Variants in ANKRD11 observed in about 807,000 individuals in gnomAD.
ANKRD11 encodes the protein ankyrin repeat domain-containing protein 11.
In ANKRD11, 17 loss-of-function variants were observed where a neutral mutation model predicts 195.7. The ratio of observed to expected loss-of-function variants is 0.09; its 90% confidence interval spans 0.06 to 0.13. The LOEUF is 0.13. Among genes scored for constraint, ANKRD11 ranks in the 10% least tolerant of loss-of-function variants. The pLI, the probability that ANKRD11 is intolerant of heterozygous loss-of-function variation, is 1.00. For synonymous variants in ANKRD11, 1,953 were observed against 1,528.1 expected, an observed-to-expected ratio of 1.28 and a Z score of -6.49; for missense variants, 3,735 against 3,566.1, an observed-to-expected ratio of 1.05 and a Z score of -1.21.
At chr16:89,402,927 A>G (rs1303709471) in intron 2 of ANKRD11, among the ~76,000 whole-genome samples, 1 of 152,114 alleles carries the variant, frequency 6.6e-6, no homozygotes, top group East Asian at 1.9e-4. Context: ...ACTCCCAACA[A>G]AGCAGGCAAC....
chr16:89,352,397 A>C (rs1409012765), intron 2 of ANKRD11, among the ~76,000 whole-genome samples: 2 of 151,054 alleles, frequency 1.3e-5, no homozygotes, highest in Admixed American at 1.3e-4. Flanking sequence ...ACCAAGCAGA[A>C]GGCCACAGTG....
At chr16:89,268,804 G>T in intron 12 of ANKRD11, 141 bp from the exon 13 acceptor site, 1 of 946,982 alleles carries the variant, frequency 1.1e-6, no homozygotes, top group Non-Finnish European at 1.6e-6. Context: ...AGCTGTACCC[G>T]CTCCTGGCAT....
intron 2 of ANKRD11, among the ~76,000 whole-genome samples, chr16:89,375,598 C>T (rs3102336): frequency 0.51 from 76,732 of 151,482 alleles, 20,358 homozygotes; most frequent in Middle Eastern, 0.69. Flanking sequence ...TGATTACAGG[C>T]GCCCGCCACC....
At position 89,305,147 on chromosome 16, in the gene ANKRD11, C is replaced by G. The variant is rs986526266; in HGVS notation, c.226+59G>C. 14 of 1,594,438 alleles carry G rather than the reference C, an allele frequency of 8.8e-6. No homozygotes were observed. In the South Asian group the frequency reaches 1.6e-4, roughly 18 times the overall value. On this transcript the variant is annotated intron_variant, in intron 4 of 12. Transcript: ENST00000301030. ...GGTGCGGGGGCCAGGGACGCCCTGC[C>G]TGGGCTGCTCCGGGCTGCCTGTGGA...
At chr16:89,377,781 C>T (rs1260740726) in intron 2 of ANKRD11, among the ~76,000 whole-genome samples, 1 of 152,098 alleles carries the variant, frequency 6.6e-6, no homozygotes, top group African/African-American at 2.4e-5. Flanking sequence ...CATACAGGAA[C>T]ATTTCTAGAG....
intron 2 of ANKRD11, among the ~76,000 whole-genome samples, chr16:89,405,554 G>A (rs951012611): frequency 3.4e-5 from 5 of 145,172 alleles, no homozygotes; most frequent in African/African-American, 1.3e-4. Context: ...GGCTGGTCTC[G>A]AACTCCTGGG....
intron 1 of ANKRD11, among the ~76,000 whole-genome samples, chr16:89,468,775 G>A (rs1194699419): frequency 6.6e-6 from 1 of 152,108 alleles, no homozygotes; most frequent in Non-Finnish European, 1.5e-5. Context: ...ACTGTTCTTG[G>A]CAGCCCCAAT....
chr16:89,479,029 C>G (rs898751991), intron 1 of ANKRD11, among the ~76,000 whole-genome samples: 11 of 152,150 alleles, frequency 7.2e-5, no homozygotes, highest in African/African-American at 2.7e-4. Context: ...CAGCTCACTG[C>G]AACCTCAACC....
At chr16:89,427,889 T>C (rs1167307313) in intron 1 of ANKRD11, among the ~76,000 whole-genome samples, 1 of 152,174 alleles carries the variant, frequency 6.6e-6, no homozygotes, top group Non-Finnish European at 1.5e-5. Flanking sequence ...GGCACTGATT[T>C]GACAGTTTTT....
At chr16:89,370,160 T>A (rs1037967146) in intron 2 of ANKRD11, among the ~76,000 whole-genome samples, 7 of 152,230 alleles carry the variant, frequency 4.6e-5, no homozygotes, top group Admixed American at 1.3e-4. Flanking sequence ...CTCTTTGCAT[T>A]CTTCCCCACG....
In ANKRD11 at chr16:89,281,355, G is replaced by A. The variant is rs770331336; in HGVS notation, c.5187C>T (p.Ala1729=). Residue 1729 remains alanine, a synonymous_variant, in exon 9 of 13, where the codon GCC becomes GCT. Coordinates refer to ENST00000301030, the MANE Select transcript of ANKRD11 (RefSeq NM_013275.6). The surrounding 1 kb of genome is among the most constrained non-coding windows in gnomAD (Gnocchi z 5.5). ...CGAACACGAGGTCCGCGTAGTCATC[G>A]GCGCTGCAGGACGGGGTCCTGGGCG... is the stretch of plus-strand genomic sequence containing the variant. ...MHTPRTPSCS[A]DDYADLVFDC... The A allele has an allele frequency of 3.7e-6, 6 of 1,611,114 alleles. No homozygotes were observed. Among genetic ancestry groups the A allele is most frequent in the South Asian group, 2.2e-5 (2 of 90,970 alleles).
intron 2 of ANKRD11, chr16:89,392,658 G>C (rs1185747797): frequency 6.6e-6 from 1 of 150,616 alleles, no homozygotes; most frequent in Non-Finnish European, 1.5e-5. Flanking sequence ...CTCAGCATCT[G>C]TAATGCACTT....
rs1012821857 is a variant in ANKRD11, at chr16:89,481,084, T to C, written c.-145+9161A>G. Among the ~76,000 whole-genome samples the C allele has an allele frequency of 2.6e-5, 4 of 152,348 alleles. No individual in the cohort carries two copies. In the South Asian group the frequency reaches 8.3e-4, roughly 32 times the overall value. On this transcript the variant is annotated intron_variant, in intron 1 of 12. Transcript: ENST00000301030. The stretch of plus-strand genomic sequence containing the variant: ...GCTTTCTTTTCTGTCTCCTTTGCTC[T>C]ATCGTTTCACAAAGCCACTCTCCTA...
At chr16:89,461,576 C>T (rs144165292) in intron 1 of ANKRD11, among the ~76,000 whole-genome samples, 1 of 152,190 alleles carries the variant, frequency 6.6e-6, no homozygotes, top group East Asian at 1.9e-4. Flanking sequence ...CCTGTGCTCA[C>T]GTTATCTGCT....
intron 2 of ANKRD11, among the ~76,000 whole-genome samples, chr16:89,335,492 G>A (rs746192456): frequency 6.6e-6 from 1 of 152,196 alleles, no homozygotes; most frequent in Non-Finnish European, 1.5e-5. Flanking sequence ...GTTAGGGCAG[G>A]TGCTCTCCCT....
chr16:89,286,942 A>C lies in ANKRD11; in HGVS notation c.745-756T>G. 5.4e-6 allele frequency: 7 copies of C among 1,289,750 alleles called. No individual in the cohort carries two copies. In the South Asian group the frequency reaches 8.6e-5, roughly 16 times the overall value. The allele number at this position is 1,289,750 out of a possible 1,614,324, so 79.9% of individuals were successfully genotyped here. The stretch of plus-strand genomic sequence containing the variant: ...CGTTTACTATAGACTCTTGTCGCCC[A>C]CAGAATCAGTTTCCAGTTCGTGTGT... On this transcript the variant is annotated intron_variant, in intron 7 of 12. Coordinates refer to ENST00000301030, the MANE Select transcript of ANKRD11 (RefSeq NM_013275.6).
Position 89,403,242 on chromosome 16 carries a change from A to T in ANKRD11, c.-60+15042T>A, listed in dbSNP as rs574911105. ...TTCTGCTTTACGGGCACTGACAGGA[A>T]GTATCTGATGCGCACTCACTCACAC... is the stretch of plus-strand genomic sequence containing the variant. On this transcript the variant is annotated intron_variant, in intron 2 of 12. Transcript: ENST00000301030. 7.9e-5 allele frequency among the ~76,000 whole-genome samples: 12 copies of T among 152,250 alleles called. No individual in the cohort carries two copies. The East Asian group carries it at 2.3e-3, about 29-fold the overall frequency.
In ANKRD11 at chr16:89,432,944, ATCTCTCTCTCTCTCTC is replaced by A. The variant is rs56770747; in HGVS notation, c.-144-14592_-144-14577del. Reference sequence around the variant, plus strand: ...TCCAGCCATGGGTGACAGAGACCCTATCTCTCTCTCTCTCTCTCTCTCTCTCTCTCTCTCTCTCTCT... The same window carrying A: ...TCCAGCCATGGGTGACAGAGACCCTATCTCTCTCTCTCTCTCTCTCTCTCT... On this transcript the variant is annotated intron_variant, in intron 1 of 12. Coordinates refer to ENST00000301030, the MANE Select transcript of ANKRD11 (RefSeq NM_013275.6). Among the ~76,000 whole-genome samples, 140 of 108,730 alleles carry A rather than the reference ATCTCTCTCTCTCTCTC, an allele frequency of 1.3e-3. 1 individual carries two copies. Among genetic ancestry groups the A allele is most frequent in the Admixed American group, 2.9e-3 (31 of 10,536 alleles). The allele number at this position is 108,730 out of a possible 152,430, so 71.3% of individuals were successfully genotyped here. A position where few individuals can be genotyped will look rare whatever the true frequency, so the allele number is the denominator to read the frequency against.
chr16:89,388,292 G>GGTTTTTTT (rs1567734637), intron 2 of ANKRD11, among the ~76,000 whole-genome samples: 1 of 61,052 alleles, frequency 1.6e-5, no homozygotes, highest in Non-Finnish European at 3.9e-5. Context: ...CCATGAGGCT[G>GGTTTTTTT]ATTTTTTTTT....
Sources: gnomAD v4.1 joint callset for allele counts (sites outside exome capture counted in the v4.1 genomes callset) on GRCh38, gnomAD v4.1.1 for gene constraint, Gnocchi (gnomAD v3.1) non-coding constraint, MANE v1.5 for transcripts, NCBI Gene and HGNC (gene_info 2026-07-23, HGNC 2026-07-21) for gene names.